Variants in LRMDA observed in about 807,000 individuals in gnomAD.
LRMDA encodes leucine rich melanocyte differentiation associated.
In LRMDA, 18 loss-of-function variants were observed where a neutral mutation model predicts 29.8. The observed-to-expected ratio is 0.60, with a 90% CI of 0.42 to 0.90. LRMDA has a LOEUF of 0.90. Ranked by LOEUF, LRMDA falls within the 40% of genes least tolerant of loss-of-function variation. LRMDA has a pLI of 0.00. For synonymous variants in LRMDA, 125 were observed against 109.4 expected (o/e 1.14, Z -0.89); for missense variants, 273 against 273.9 (o/e 1.00, Z 0.02).
At chr10:76,355,023 C>A (rs2395376) in intron 6 of LRMDA, among the ~76,000 whole-genome samples, 139,120 of 152,076 alleles carry the variant, frequency 0.91, 64,366 homozygotes, top group Non-Finnish European at 0.96. Context: ...TGCTGTCCTT[C>A]AAATTCAACT....
At chr10:76,230,568 A>C (rs532034225) in intron 5 of LRMDA, among the ~76,000 whole-genome samples, 48 of 150,844 alleles carry the variant, frequency 3.2e-4, no homozygotes, top group East Asian at 1.8e-3. Context: ...AAAAAAAAAA[A>C]CCCCAAAAAT....
chr10:76,409,190 T>C (rs1589170176), intron 6 of LRMDA, among the ~76,000 whole-genome samples: 1 of 152,198 alleles, frequency 6.6e-6, no homozygotes, highest in South Asian at 2.1e-4. Flanking sequence ...AATGGTGAGA[T>C]TGTCAGTGAT....
intron 2 of LRMDA, among the ~76,000 whole-genome samples, chr10:75,986,491 A>G (rs907958756): frequency 6.6e-6 from 1 of 152,236 alleles, no homozygotes; most frequent in African/African-American, 2.4e-5. Flanking sequence ...GGCTCCAAGA[A>G]GTTTGGCAAT....
chr10:76,205,670 G>C (rs578190987), intron 5 of LRMDA, among the ~76,000 whole-genome samples: 1 of 152,252 alleles, frequency 6.6e-6, no homozygotes, highest in African/African-American at 2.4e-5. Context: ...TTTTCTTTGT[G>C]GGGGTGCGGG....
intron 2 of LRMDA, among the ~76,000 whole-genome samples, chr10:76,019,180 TAATATGGC>T (rs1245124691): frequency 2.0e-5 from 3 of 152,214 alleles, no homozygotes; most frequent in African/African-American, 7.2e-5. Flanking sequence ...GCACAAATGC[TAATATGGC>T]TGTCACTCAG....
rs75709941 is a variant in LRMDA at position 76,255,791 on chromosome 10, A to G, written c.517-68610A>G. Among the ~76,000 whole-genome samples the G allele has an allele frequency of 2.8e-3, 420 of 152,364 alleles. 22 individuals carry two copies. In the East Asian group the frequency reaches 0.062, roughly 23 times the overall value. On this transcript the variant is annotated intron_variant, in intron 5 of 6. Coordinates refer to ENST00000611255, the MANE Select transcript of LRMDA (RefSeq NM_001305581.2). Reference sequence around the variant, plus strand: ...AAGCTCACAAAAGAATTGATTAGGAAGTATACCAAATGGAATAAAATGTAG... The same window carrying G: ...AAGCTCACAAAAGAATTGATTAGGAGGTATACCAAATGGAATAAAATGTAG...
At position 76,500,863 on chromosome 10, in the gene LRMDA, A is replaced by G. The variant is rs1842903924; in HGVS notation, c.602-56346A>G. Among the ~76,000 whole-genome samples, 2 of 75,028 alleles carry G rather than the reference A, an allele frequency of 2.7e-5. 1 individual carries two copies. Among genetic ancestry groups the G allele is most frequent in the Non-Finnish European group, 8.8e-5 (2 of 22,622 alleles). 49.2% of individuals were successfully genotyped at this position (75,028 alleles called of 152,430 possible). A position where few individuals can be genotyped will look rare whatever the true frequency, so the allele number is the denominator to read the frequency against. On this transcript the variant is annotated intron_variant, in intron 6 of 6. Coordinates refer to ENST00000611255, the MANE Select transcript of LRMDA (RefSeq NM_001305581.2). The stretch of plus-strand genomic sequence containing the variant: ...TATTTTCTGCCTTTTTTTAAAAAAA[A>G]AATAAAAGTAACTTCAACATTTATT...
At chr10:76,223,720 T>C (rs74380109) in intron 5 of LRMDA, among the ~76,000 whole-genome samples, 2,446 of 152,256 alleles carry the variant, frequency 0.016, 60 homozygotes, top group African/African-American at 0.052. Flanking sequence ...TGACACCTGA[T>C]TTGTGACTTT....
chr10:76,530,897 A>G (rs1023177616), intron 6 of LRMDA, among the ~76,000 whole-genome samples: 4 of 152,168 alleles, frequency 2.6e-5, no homozygotes, highest in Admixed American at 2.0e-4. Context: ...AGAATGTGCC[A>G]TGCTTCTGGG....
At chr10:75,728,466 G>GTC (rs1842656858) in intron 2 of LRMDA, among the ~76,000 whole-genome samples, 2 of 148,754 alleles carry the variant, frequency 1.3e-5, no homozygotes, top group African/African-American at 5.1e-5. Flanking sequence ...GTGTGTGTGT[G>GTC]TGTGTATGAA....
chr10:75,799,214 T>G (rs1432668168), intron 2 of LRMDA, among the ~76,000 whole-genome samples: 1 of 152,200 alleles, frequency 6.6e-6, no homozygotes, highest in African/African-American at 2.4e-5. Context: ...CTCTGTCTAG[T>G]TTTTGTGTCA....
chr10:75,581,564 G>A (rs527311466), intron 2 of LRMDA, among the ~76,000 whole-genome samples: 1,816 of 152,184 alleles, frequency 0.012, 31 homozygotes, highest in African/African-American at 0.039. Context: ...TCCCATTACT[G>A]GGTATATACC....
intron 2 of LRMDA, among the ~76,000 whole-genome samples, chr10:75,829,204 C>T (rs1357881223): frequency 6.6e-6 from 1 of 152,156 alleles, no homozygotes; most frequent in Non-Finnish European, 1.5e-5. Context: ...AGATATGAGG[C>T]CATCCTCTTC....
chr10:76,074,522 G>A (rs1247325820), intron 5 of LRMDA, among the ~76,000 whole-genome samples: 2 of 152,096 alleles, frequency 1.3e-5, no homozygotes, highest in African/African-American at 4.8e-5. Context: ...AATAAGAAAG[G>A]GACCATTATC....
chr10:76,172,742 T>C (rs192552644), intron 5 of LRMDA, among the ~76,000 whole-genome samples: 5 of 152,284 alleles, frequency 3.3e-5, no homozygotes, highest in Admixed American at 2.0e-4. Flanking sequence ...AGGAGAGTAT[T>C]GTCTCAATAG....
intron 2 of LRMDA, among the ~76,000 whole-genome samples, chr10:75,610,657 T>A (rs1426397445): frequency 6.6e-6 from 1 of 152,164 alleles, no homozygotes; most frequent in Non-Finnish European, 1.5e-5. Flanking sequence ...CATGTTCGGG[T>A]GGCAGAGGCA....
At chr10:75,936,843 T>C (rs1846303554) in intron 2 of LRMDA, among the ~76,000 whole-genome samples, 1 of 152,230 alleles carries the variant, frequency 6.6e-6, no homozygotes, top group African/African-American at 2.4e-5. Flanking sequence ...CCTTGTGGGT[T>C]AGGCTTTCAA....
intron 2 of LRMDA, among the ~76,000 whole-genome samples, chr10:75,542,319 A>T (rs1840028544): frequency 6.6e-6 from 1 of 152,108 alleles, no homozygotes; most frequent in Non-Finnish European, 1.5e-5. Context: ...TGGGACGCTT[A>T]AAAGCACGTG....
chr10:75,836,571 T>C (rs1039109661), intron 2 of LRMDA, among the ~76,000 whole-genome samples: 1 of 152,218 alleles, frequency 6.6e-6, no homozygotes, highest in Non-Finnish European at 1.5e-5. Context: ...TTTGCAAGGC[T>C]AGGTTAAATC....
Sources: allele counts gnomAD v4.1 joint callset (sites outside exome capture counted in the v4.1 genomes callset), GRCh38; gene constraint gnomAD v4.1.1; transcripts MANE v1.5; gene names NCBI Gene and HGNC (gene_info 2026-07-23, HGNC 2026-07-21).